Variants in ZC3H12B observed in about 807,000 individuals in gnomAD.
ZC3H12B encodes probable ribonuclease ZC3H12B.
In ZC3H12B, 7 loss-of-function variants were observed where a neutral mutation model predicts 43.9. The observed-to-expected ratio is 0.16, with a 90% confidence interval of 0.09 to 0.30. The LOEUF is 0.30. ZC3H12B is among the 10% of genes least tolerant of loss of function. The pLI, the probability that ZC3H12B is intolerant of heterozygous loss-of-function variation, is 1.00. For missense variants in ZC3H12B, 475 were observed against 670.2 expected (o/e 0.71, Z 3.22); for synonymous variants, 222 against 241.7 (o/e 0.92, Z 0.76).
chrX:65,039,153 C>A, the ZC3H12B span, among the ~76,000 whole-genome samples: 1 of 111,214 alleles, frequency 9.0e-6, no homozygotes, highest in African/African-American at 3.3e-5. Flanking sequence ...AACTAATATC[C>A]ACAGGAGCTG....
chrX:65,343,792 C>T, the ZC3H12B span, among the ~76,000 whole-genome samples: 7 of 111,653 alleles, frequency 6.3e-5, no homozygotes, highest in African/African-American at 2.3e-4. Context: ...TGTCATCACT[C>T]CTATTCAGCA....
the ZC3H12B span, among the ~76,000 whole-genome samples, chrX:65,200,347 A>G: frequency 9.2e-6 from 1 of 108,180 alleles, no homozygotes; most frequent in Non-Finnish European, 1.9e-5. Flanking sequence ...ACTGGATATT[A>G]CACCTTTGTC....
At chrX:65,401,483 G>A (rs759788522) in intron 3 of ZC3H12B, among the ~76,000 whole-genome samples, 14 of 111,738 alleles carry the variant, frequency 1.3e-4, no homozygotes, top group Non-Finnish European at 2.1e-4. Context: ...GTATCTCTAA[G>A]TAAACCTGAA....
the ZC3H12B span, among the ~76,000 whole-genome samples, chrX:65,220,141 C>A: frequency 9.0e-6 from 1 of 111,414 alleles, no homozygotes; most frequent in East Asian, 2.8e-4. Context: ...CAGTCCTTTT[C>A]AAAAAATGCT....
At chrX:65,142,163 G>A in the ZC3H12B span, among the ~76,000 whole-genome samples, 1 of 111,710 alleles carries the variant, frequency 9.0e-6, no homozygotes, top group Admixed American at 9.5e-5. Flanking sequence ...CCACATCCAT[G>A]CCAAAATCTA....
chrX:65,301,992 T>A, the ZC3H12B span, among the ~76,000 whole-genome samples: 2 of 111,146 alleles, frequency 1.8e-5, no homozygotes, highest in African/African-American at 3.3e-5. Flanking sequence ...AAAAAAAAAC[T>A]TTTTAGCAAA....
the ZC3H12B span, among the ~76,000 whole-genome samples, chrX:65,267,983 T>C: frequency 0.11 from 11,854 of 110,024 alleles, 1,541 homozygotes; most frequent in African/African-American, 0.36. Flanking sequence ...ATCCTGTGAG[T>C]TGGTTCTTTG....
At chrX:65,224,522 G>A in the ZC3H12B span, among the ~76,000 whole-genome samples, 16 of 112,618 alleles carry the variant, frequency 1.4e-4, no homozygotes, top group Non-Finnish European at 1.9e-4. Flanking sequence ...GACAGTGGGC[G>A]CAGGACAGTG....
the ZC3H12B span, among the ~76,000 whole-genome samples, chrX:65,259,375 A>T: frequency 8.9e-6 from 1 of 112,326 alleles, no homozygotes; most frequent in Non-Finnish European, 1.9e-5. Flanking sequence ...GAAGATTGAA[A>T]CTAGATTTCC....
At chrX:65,228,302 A>T in the ZC3H12B span, among the ~76,000 whole-genome samples, 1 of 112,125 alleles carries the variant, frequency 8.9e-6, no homozygotes, top group Non-Finnish European at 1.9e-5. Flanking sequence ...ATCTCAATAG[A>T]TGCAGAAAAG....
chrX:65,109,787 A>G, the ZC3H12B span, among the ~76,000 whole-genome samples: 1 of 111,691 alleles, frequency 9.0e-6, no homozygotes, highest in Admixed American at 9.5e-5. Context: ...GTTTTGCAAA[A>G]TAGACGTACC....
chrX:65,374,956 G>T (rs2066324838), intron 2 of ZC3H12B, among the ~76,000 whole-genome samples: 1 of 111,214 alleles, frequency 9.0e-6, no homozygotes, highest in African/African-American at 3.3e-5. Context: ...TGACACATGG[G>T]GAGTATGGGA....
At chrX:65,325,801 C>A in the ZC3H12B span, among the ~76,000 whole-genome samples, 1 of 111,242 alleles carries the variant, frequency 9.0e-6, no homozygotes, top group African/African-American at 3.2e-5. Flanking sequence ...AACTATCCTA[C>A]AACATGCTAG....
intron 3 of ZC3H12B, chrX:65,408,411 G>C (rs2066862585): frequency 8.3e-7 from 1 of 1,206,122 alleles, no homozygotes; most frequent in East Asian, 3.0e-5. Context: ...GCTGTCGAAC[G>C]TGCCAAACAG....
At chrX:65,427,650 A>G (rs982088939) in intron 3 of ZC3H12B, among the ~76,000 whole-genome samples, 2 of 111,373 alleles carry the variant, frequency 1.8e-5, no homozygotes, top group Non-Finnish European at 3.8e-5. Flanking sequence ...TTTTGAGCCT[A>G]TGTGTGTCTT....
chrX:65,133,977 A>AT, the ZC3H12B span, among the ~76,000 whole-genome samples: 25 of 111,250 alleles, frequency 2.2e-4, no homozygotes, highest in Admixed American at 2.4e-3. Flanking sequence ...CAAAAGTGCC[A>AT]TTTTCTGGCT....
the ZC3H12B span, among the ~76,000 whole-genome samples, chrX:65,213,673 A>T: frequency 9.1e-6 from 1 of 110,306 alleles, no homozygotes; most frequent in Non-Finnish European, 1.9e-5. Context: ...TATATTTCTC[A>T]AATTACTGAT....
At chrX:65,308,442 C>T in the ZC3H12B span, among the ~76,000 whole-genome samples, 1 of 111,556 alleles carries the variant, frequency 9.0e-6, no homozygotes, top group Admixed American at 9.5e-5. Flanking sequence ...AGCTAACTAT[C>T]CTAAGTATAT....
chrX:65,243,931 A>G, the ZC3H12B span, among the ~76,000 whole-genome samples: 5 of 112,077 alleles, frequency 4.5e-5, no homozygotes, highest in African/African-American at 1.6e-4. Flanking sequence ...AATTAAACTC[A>G]TTGAGACAGA....
Sources: gnomAD v4.1 joint callset for allele counts (sites outside exome capture counted in the v4.1 genomes callset) on GRCh38, gnomAD v4.1.1 for gene constraint, MANE v1.5 for transcripts, NCBI Gene and HGNC (gene_info 2026-07-23, HGNC 2026-07-21) for gene names.